The following DNAI3 variants were observed in gnomAD, a reference collection of about 807,000 sequenced individuals.
The protein encoded by DNAI3 is WD repeat domain 63.
A neutral mutation model predicts 115.5 loss-of-function variants in DNAI3; 83 were observed. The observed-to-expected ratio is 0.72, with a 90% CI of 0.60 to 0.86. The LOEUF is 0.86. DNAI3 is among the 40% of genes least tolerant of loss of function. The pLI is 0.00. For synonymous variants in DNAI3, 320 were observed against 347.0 expected, an observed-to-expected ratio of 0.92 and a Z score of 0.86; for missense variants, 1,004 against 1,075.8, an observed-to-expected ratio of 0.93 and a Z score of 0.93.
rs1656156605 is a variant in DNAI3 at position 85,126,795 on chromosome 1, A to G, written c.2317+80A>G. 4.6e-6 allele frequency: 7 copies of G among 1,510,202 alleles called. No homozygotes were observed. In the South Asian group the frequency reaches 8.2e-5, roughly 18 times the overall value. 93.6% of individuals were successfully genotyped at this position (1,510,202 alleles called of 1,614,324 possible). ...TTGACATTCATCTGAAAAGCCTCCA[A>G]TGTTTATTTCTTAGTTTTTTGTTTT... On this transcript the variant is annotated intron_variant, in intron 20 of 22. Transcript: ENST00000294664.
intron 16 of DNAI3, among the ~76,000 whole-genome samples, chr1:85,116,032 A>G (rs922859056): frequency 6.6e-6 from 1 of 152,074 alleles, no homozygotes; most frequent in African/African-American, 2.4e-5. Context: ...CTATCCTGCT[A>G]CTTCTTCCGT....
At chr1:85,072,827 C>T (rs923281723) in intron 2 of DNAI3, among the ~76,000 whole-genome samples, 4 of 150,320 alleles carry the variant, frequency 2.7e-5, no homozygotes, top group East Asian at 1.9e-4. Flanking sequence ...TGGTGGCGGG[C>T]GCCTCTAGTC....
In DNAI3 at chr1:85,067,781, G is replaced by A. The variant is rs191126201; in HGVS notation, c.-14-4147G>A. Among the ~76,000 whole-genome samples the A allele has an allele frequency of 1.1e-4, 16 of 152,200 alleles. No individual in the cohort carries two copies. In the East Asian group the frequency reaches 3.1e-3, roughly 29 times the overall value. Reference sequence around the variant, plus strand: ...TTCTGACTTTGAAGTTGGAGGTTGGGGGCCACAAACCAAGAAGTGCTGGTG... The same window carrying A: ...TTCTGACTTTGAAGTTGGAGGTTGGAGGCCACAAACCAAGAAGTGCTGGTG... On this transcript the variant is annotated intron_variant, in intron 1 of 22. Transcript: ENST00000294664.
chr1:85,090,020 A>G (rs1571170493), intron 7 of DNAI3, 96 bp from the exon 8 acceptor site: 1 of 483,626 alleles, frequency 2.1e-6, no homozygotes, highest in East Asian at 3.4e-5. Flanking sequence ...ATATCCTAAC[A>G]TCATTGTCAC....
intron 15 of DNAI3, 101 bp from the exon 16 acceptor site, chr1:85,109,947 T>G (rs955407967): frequency 3.7e-6 from 4 of 1,094,718 alleles, no homozygotes; most frequent in Non-Finnish European, 5.3e-6. Flanking sequence ...AGGAGGTGGG[T>G]TTCCTTCAAT....
In DNAI3 at chr1:85,083,366, A is replaced by T. The variant is rs563925445; in HGVS notation, c.390+962A>T. Among the ~76,000 whole-genome samples the T allele has an allele frequency of 3.5e-3, 530 of 152,240 alleles. 5 individuals carry two copies. The highest frequency in any genetic ancestry group is 0.012 in the African/African-American group (503 of 41,544). Reference sequence around the variant, plus strand: ...GCCAGGCATGGTAGCACGTGCCTGTAGTCCCAGCTACTTGGGAGGCTGAGA... The same window carrying T: ...GCCAGGCATGGTAGCACGTGCCTGTTGTCCCAGCTACTTGGGAGGCTGAGA... On this transcript the variant is annotated intron_variant, in intron 5 of 22. Transcript: ENST00000294664.
chr1:85,101,767 CATACAAAA>C (rs888582196), intron 13 of DNAI3, among the ~76,000 whole-genome samples: 3 of 126,580 alleles, frequency 2.4e-5, no homozygotes, highest in African/African-American at 9.0e-5. Context: ...AATAACAAAT[CATACAAAA>C]ATACAATAAA....
intron 22 of DNAI3, among the ~76,000 whole-genome samples, chr1:85,132,057 C>T (rs750946850): frequency 6.6e-6 from 1 of 152,148 alleles, no homozygotes; most frequent in Non-Finnish European, 1.5e-5. Flanking sequence ...AAGGGTTCCT[C>T]TGTTACATTG....
chr1:85,108,252 TAC>T, intron 15 of DNAI3, 75 bp downstream of exon 15: 1 of 1,390,538 alleles, frequency 7.2e-7, no homozygotes, highest in Non-Finnish European at 9.4e-7. Context: ...GACATACATA[TAC>T]ACACACTCTC....
Position 85,117,721 on chromosome 1 carries a change from TC to T in DNAI3, c.1787-7del. 1.2e-6 allele frequency: 2 copies of T among 1,612,802 alleles called. No individual in the cohort carries two copies. Among genetic ancestry groups the T allele is most frequent in the Non-Finnish European group, 1.7e-6 (2 of 1,179,090 alleles). On this transcript the variant is annotated splice_polypyrimidine_tract_variant and splice_region_variant and intron_variant, in intron 16 of 22. Coordinates refer to ENST00000294664, the MANE Select transcript of DNAI3 (RefSeq NM_145172.5). ...TATGTACTTCTTCTACCCACACTCCTCTGAAAGACAAAATGTTAGCACAGAG... is the reference window on the plus strand; with the variant it reads ...TATGTACTTCTTCTACCCACACTCCTTGAAAGACAAAATGTTAGCACAGAG...
intron 11 of DNAI3, among the ~76,000 whole-genome samples, chr1:85,096,221 C>T (rs549798118): frequency 1.3e-5 from 2 of 152,168 alleles, no homozygotes; most frequent in East Asian, 3.9e-4. Context: ...CACGGGGTAA[C>T]CCAGCTTCAA....
chr1:85,069,465 C>G (rs1654201597), intron 1 of DNAI3, among the ~76,000 whole-genome samples: 1 of 152,068 alleles, frequency 6.6e-6, no homozygotes, highest in African/African-American at 2.4e-5. Flanking sequence ...CTGCTGTATC[C>G]CTAACACCTA....
chr1:85,117,026 T>C (rs1655843542), intron 16 of DNAI3, among the ~76,000 whole-genome samples: 1 of 152,224 alleles, frequency 6.6e-6, no homozygotes, highest in South Asian at 2.1e-4. Flanking sequence ...GTTGGTTTTA[T>C]GGCTTTTTGT....
intron 22 of DNAI3, among the ~76,000 whole-genome samples, chr1:85,131,329 A>G (rs547386806): frequency 6.6e-6 from 1 of 151,680 alleles, no homozygotes; most frequent in Non-Finnish European, 1.5e-5. Context: ...CTGTAATCCC[A>G]GCTACTCGGG....
intron 1 of DNAI3, among the ~76,000 whole-genome samples, chr1:85,062,887 C>A (rs1237200693): frequency 6.6e-6 from 1 of 151,994 alleles, no homozygotes; most frequent in Non-Finnish European, 1.5e-5. Context: ...GGGGGTCAAA[C>A]AATAAAAGAT....
At chr1:85,124,507 C>A (rs1656075805) in intron 19 of DNAI3, among the ~76,000 whole-genome samples, 1 of 152,132 alleles carries the variant, frequency 6.6e-6, no homozygotes, top group African/African-American at 2.4e-5. Flanking sequence ...CTTGGAATAT[C>A]TACTGTGGGC....
chr1:85,132,734 A>T (rs1232185696), intron 22 of DNAI3, 121 bp from the exon 23 acceptor site: 1 of 1,269,176 alleles, frequency 7.9e-7, no homozygotes, highest in Non-Finnish European at 1.1e-6. Flanking sequence ...CCTGCCCTCC[A>T]TCCAGCCCTT....
At position 85,098,513 on chromosome 1, in the gene DNAI3, C is replaced by CT; in HGVS notation, c.1351-13dup. The CT allele has an allele frequency of 6.2e-7, 1 of 1,605,554 alleles. No homozygotes were observed. Among genetic ancestry groups the CT allele is most frequent in the Non-Finnish European group, 8.5e-7 (1 of 1,177,696 alleles). ...CCCTCTGAAATTAGCACTTAACTTT[C>CT]TTTTAATATTTTTCAGCCTATGTTT... is the stretch of plus-strand genomic sequence containing the variant. On this transcript the variant is annotated splice_polypyrimidine_tract_variant and intron_variant, in intron 12 of 22. Transcript: ENST00000294664.
At chr1:85,114,610 G>A (rs1655759617) in intron 16 of DNAI3, among the ~76,000 whole-genome samples, 1 of 152,204 alleles carries the variant, frequency 6.6e-6, no homozygotes, top group African/African-American at 2.4e-5. Flanking sequence ...TGAATGGCCA[G>A]CTTTCAAGAC....
Sources: gnomAD v4.1 joint callset for allele counts (sites outside exome capture counted in the v4.1 genomes callset) on GRCh38, gnomAD v4.1.1 for gene constraint, MANE v1.5 for transcripts, NCBI Gene and HGNC (gene_info 2026-07-23, HGNC 2026-07-21) for gene names.